The following SLC15A1 variants were observed in gnomAD, a reference collection of about 807,000 sequenced individuals.
SLC15A1 encodes solute carrier family 15 member 1, also known as Caco-2 oligopeptide transporter.
In SLC15A1, 83 loss-of-function variants were observed where a neutral mutation model predicts 92.9. The observed-to-expected ratio is 0.89, with a 90% CI of 0.75 to 1.07. The LOEUF is 1.07. SLC15A1 is among the 50% of genes least tolerant of loss of function. The pLI is 0.00. For missense variants in SLC15A1, 857 were observed against 880.1 expected, an observed-to-expected ratio of 0.97 and a Z score of 0.33; for synonymous variants, 322 against 318.2, an observed-to-expected ratio of 1.01 and a Z score of -0.13.
At chr13:98,727,456 C>T (rs978105993) in intron 1 of SLC15A1, among the ~76,000 whole-genome samples, 1 of 152,168 alleles carries the variant, frequency 6.6e-6, no homozygotes, top group African/African-American at 2.4e-5. Context: ...GAATCATGTG[C>T]CATCCATCAC....
At chr13:98,732,966 G>A (rs563349492) in intron 1 of SLC15A1, among the ~76,000 whole-genome samples, 2 of 152,266 alleles carry the variant, frequency 1.3e-5, no homozygotes, top group Non-Finnish European at 2.9e-5. Context: ...TAGGGGCCTT[G>A]AGATAAAGAG....
chr13:98,703,729 A>T (rs1438635594), intron 17 of SLC15A1, among the ~76,000 whole-genome samples: 1 of 151,566 alleles, frequency 6.6e-6, no homozygotes, highest in Non-Finnish European at 1.5e-5. Flanking sequence ...GCTAATTTTT[A>T]AAATTTTTGT....
intron 16 of SLC15A1, 105 bp downstream of exon 16, chr13:98,706,029 G>T: frequency 8.3e-7 from 1 of 1,209,922 alleles, no homozygotes. Context: ...TCACTTCTGG[G>T]CTGGCCTTGG....
chr13:98,697,918 C>CA (rs1050779608), intron 18 of SLC15A1, among the ~76,000 whole-genome samples: 1 of 152,120 alleles, frequency 6.6e-6, no homozygotes, highest in African/African-American at 2.4e-5. Flanking sequence ...CCTGTTAGCT[C>CA]AAAGAATGTG....
intron 18 of SLC15A1, among the ~76,000 whole-genome samples, chr13:98,692,592 C>T (rs80203809): frequency 2.9e-4 from 44 of 152,194 alleles, no homozygotes; most frequent in Non-Finnish European, 6.0e-4. Context: ...CCTCAACACC[C>T]GTAATTTTGG....
At chr13:98,728,176 T>G (rs1424393844) in intron 1 of SLC15A1, among the ~76,000 whole-genome samples, 1 of 152,244 alleles carries the variant, frequency 6.6e-6, no homozygotes, top group Non-Finnish European at 1.5e-5. Context: ...TGGCTATAAA[T>G]GGATGCATTT....
chr13:98,730,505 T>C (rs979272366), intron 1 of SLC15A1, among the ~76,000 whole-genome samples: 12 of 152,118 alleles, frequency 7.9e-5, no homozygotes, highest in Admixed American at 1.3e-4. Context: ...GCGAGGGCCA[T>C]GGAGTCAGCC....
At chr13:98,722,037 C>T (rs1593997979) in intron 5 of SLC15A1, 134 bp from the exon 6 acceptor site, 1 of 637,986 alleles carries the variant, frequency 1.6e-6, no homozygotes, top group East Asian at 2.8e-5. Context: ...GAGAAGCCAG[C>T]TCACAGGAAT....
chr13:98,704,225 T>A, intron 17 of SLC15A1, 64 bp downstream of exon 17: 1 of 1,482,654 alleles, frequency 6.7e-7, no homozygotes. Context: ...AGTCACACCA[T>A]AAAAATTTTG....
chr13:98,737,077 A>G (rs1252888369), intron 1 of SLC15A1, among the ~76,000 whole-genome samples: 1 of 152,230 alleles, frequency 6.6e-6, no homozygotes, highest in Non-Finnish European at 1.5e-5. Context: ...ACAATAGCAA[A>G]GACTTGGAAC....
intron 7 of SLC15A1, chr13:98,720,741 G>A: frequency 4.3e-6 from 1 of 232,248 alleles, no homozygotes; most frequent in Non-Finnish European, 8.6e-6. Flanking sequence ...TTGAGATGAT[G>A]GGAAAGCAAA....
Position 98,686,246 on chromosome 13 carries a change from C to T in SLC15A1, c.1879G>A (p.Ala627Thr), listed in dbSNP as rs767494827. Residue 627 changes from alanine (A) to threonine (T), a missense_variant, in exon 22 of 23, where the codon GCT becomes ACT. Ala to Thr is a moderately conservative substitution (Grantham distance 58). Transcript: ENST00000376503. ...ATGAGCACAATGATGTTGCCAACAG[C>T]CACGGTCAGCAGCCATCCTGCCTGA... ...VLQAGWLLTV[A>T]VGNIIVLIVA... 2 of 1,613,692 alleles carry T rather than the reference C, an allele frequency of 1.2e-6. No homozygotes were observed. The highest frequency in any genetic ancestry group is 4.5e-5 in the East Asian group (2 of 44,866).
At chr13:98,694,387 T>C (rs1301721989) in intron 18 of SLC15A1, among the ~76,000 whole-genome samples, 1 of 152,224 alleles carries the variant, frequency 6.6e-6, no homozygotes, top group African/African-American at 2.4e-5. Flanking sequence ...TTGTAAAATA[T>C]TGGTTTAAGA....
chr13:98,739,429 G>T (rs1254029480), intron 1 of SLC15A1, among the ~76,000 whole-genome samples: 1 of 152,192 alleles, frequency 6.6e-6, no homozygotes, highest in African/African-American at 2.4e-5. Context: ...TCAATTGTTG[G>T]AGGTGGGACC....
rs532286337 is a variant in SLC15A1, at chr13:98,718,300, C to CTTT, written c.640+934_640+936dup. On this transcript the variant is annotated intron_variant, in intron 8 of 22. Coordinates refer to ENST00000376503, the MANE Select transcript of SLC15A1 (RefSeq NM_005073.4). ...ATCCAGCAGATTCTATCACCTTCATCTTTTTTTTTTTTTTTTTTTTTTTTT... is the reference window on the plus strand; with the variant it reads ...ATCCAGCAGATTCTATCACCTTCATCTTTTTTTTTTTTTTTTTTTTTTTTTTTT... 1.4e-3 allele frequency among the ~76,000 whole-genome samples: 119 copies of CTTT among 84,128 alleles called. 21 individuals are homozygous for CTTT. Among genetic ancestry groups the CTTT allele is most frequent in the African/African-American group, 5.4e-3 (79 of 14,644 alleles). The allele number at this position is 84,128 out of a possible 152,430, so 55.2% of individuals were successfully genotyped here.
chr13:98,715,411 G>T (rs1320334422), intron 9 of SLC15A1, among the ~76,000 whole-genome samples: 1 of 152,188 alleles, frequency 6.6e-6, no homozygotes, highest in African/African-American at 2.4e-5. Context: ...CTGATCAAGT[G>T]ATCCGCCCGC....
chr13:98,746,342 G>A (rs767268611), intron 1 of SLC15A1, among the ~76,000 whole-genome samples: 1 of 152,150 alleles, frequency 6.6e-6, no homozygotes, highest in Non-Finnish European at 1.5e-5. Context: ...ATGTGTGCAT[G>A]TGTCTTTATG....
chr13:98,701,837 T>C (rs1593985462), intron 18 of SLC15A1, among the ~76,000 whole-genome samples: 1 of 151,400 alleles, frequency 6.6e-6, no homozygotes, highest in Non-Finnish European at 1.5e-5. Flanking sequence ...CATCTGGCTA[T>C]TTTTTTTAAA....
At chr13:98,723,819 C>T (rs543365955) in intron 5 of SLC15A1, 93 bp downstream of exon 5, 6 of 1,561,994 alleles carry the variant, frequency 3.8e-6, no homozygotes, top group Non-Finnish European at 5.2e-6. Context: ...TCCTTATGCT[C>T]TCAGTGAAGT....
Sources: gnomAD v4.1 joint callset for allele counts (sites outside exome capture counted in the v4.1 genomes callset) on GRCh38, gnomAD v4.1.1 for gene constraint, MANE v1.5 for transcripts, NCBI Gene and HGNC (gene_info 2026-07-23, HGNC 2026-07-21) for gene names.